Variants in PGBD2 observed in about 807,000 individuals in gnomAD.
PGBD2 encodes piggyBac transposable element derived 2, also known as piggyBac transposable element-derived protein 2.
A neutral mutation model predicts 8.1 loss-of-function variants in PGBD2; 6 were observed. The observed-to-expected ratio is 0.74, with a 90% CI of 0.40 to 1.46. The LOEUF (loss-of-function observed/expected upper bound fraction) is 1.46, where lower values mean the gene tolerates loss of function less well. Among genes scored for constraint, PGBD2 ranks in the 40% most tolerant of loss-of-function variants. The pLI is 0.02. For missense variants in PGBD2, 802 were observed against 739.0 expected (o/e 1.09, Z -0.99); for synonymous variants, 318 against 272.2 (o/e 1.17, Z -1.66).
chr1:248,878,629 G>A, the PGBD2 span, among the ~76,000 whole-genome samples: 1 of 152,134 alleles, frequency 6.6e-6, no homozygotes, highest in Non-Finnish European at 1.5e-5. Flanking sequence ...TCTCTTTTCG[G>A]TAGTCCATTT....
At chr1:248,895,265 C>T in the PGBD2 span, among the ~76,000 whole-genome samples, 1 of 152,120 alleles carries the variant, frequency 6.6e-6, no homozygotes, top group Non-Finnish European at 1.5e-5. Context: ...CCTCTGATTT[C>T]ACAGGGACCA....
Position 248,917,991 on chromosome 1 carries a change from T to C in PGBD2, c.1407T>C (p.Asn469=). Residue 469 remains asparagine (N), a synonymous_variant, in exon 3 of 3, where the codon AAT becomes AAC. Coordinates refer to ENST00000329291, the MANE Select transcript of PGBD2 (RefSeq NM_170725.3). ...KVGGVGRMDQ[N]IAKYKVKIRG... is the part of the protein sequence containing the mutation. ...GTGGCGTTGGTAGGATGGATCAGAA[T>C]ATTGCCAAGTACAAGGTGAAGATCC... The C allele has an allele frequency of 6.2e-7, 1 of 1,614,164 alleles. No individual in the cohort carries two copies. Among genetic ancestry groups the C allele is most frequent in the Non-Finnish European group, 8.5e-7 (1 of 1,180,030 alleles).
At chr1:248,873,373 A>C in the PGBD2 span, among the ~76,000 whole-genome samples, 1 of 152,346 alleles carries the variant, frequency 6.6e-6, no homozygotes, top group South Asian at 2.1e-4. Context: ...TTCGTGGAGG[A>C]AGCGCGGTGG....
In PGBD2 at chr1:248,917,749, G is replaced by T; in HGVS notation, c.1165G>T (p.Glu389Ter). 2 of 1,614,106 alleles carry T rather than the reference G, an allele frequency of 1.2e-6. No homozygotes were observed. Among genetic ancestry groups the T allele is most frequent in the Non-Finnish European group, 8.5e-7 (1 of 1,179,998 alleles). ...GCGATGTCCCCTAAAAGACCCCAAA[G>T]AACTGAAAAAAATGAAGAGGGGTTC... ...TERCPLKDPK[E>*]LKKMKRGSFD... The change falls in exon 3 of 3, where the codon GAA becomes TAA. Residue 389 changes from glutamate (E) to a stop codon, truncating the protein, a stop_gained. Coordinates refer to ENST00000329291, the MANE Select transcript of PGBD2 (RefSeq NM_170725.3). LOFTEE classifies it low-confidence loss of function (END_TRUNC).
At chr1:248,914,522 A>G in intron 2 of PGBD2, 1 of 1,289,124 alleles carries the variant, frequency 7.8e-7, no homozygotes, top group Non-Finnish European at 1.0e-6. Flanking sequence ...GTTGGAGTGA[A>G]TTTCTAATGC....
the PGBD2 span, among the ~76,000 whole-genome samples, chr1:248,894,531 T>C: frequency 6.6e-6 from 1 of 152,234 alleles, no homozygotes; most frequent in African/African-American, 2.4e-5. Context: ...ATTTTCCTAT[T>C]GTGTATTCAT....
At chr1:248,900,340 C>T in the PGBD2 span, among the ~76,000 whole-genome samples, 1 of 152,140 alleles carries the variant, frequency 6.6e-6, no homozygotes, top group African/African-American at 2.4e-5. Context: ...CCAAAAAATA[C>T]TCAATAAAAT....
chr1:248,874,069 A>G, the PGBD2 span, among the ~76,000 whole-genome samples: 2 of 152,168 alleles, frequency 1.3e-5, no homozygotes, highest in African/African-American at 4.8e-5. Flanking sequence ...TAGACTACTC[A>G]TCTTTGCTGC....
At chr1:248,905,737 T>C (rs541216425), upstream of PGBD2, among the ~76,000 whole-genome samples, 1 of 152,294 alleles carries the variant, frequency 6.6e-6, no homozygotes, top group South Asian at 2.1e-4. Context: ...CAAAGAATTA[T>C]CCAGGCCCAA....
intron 1 of PGBD2, among the ~76,000 whole-genome samples, chr1:248,910,949 C>A (rs1357397767): frequency 1.3e-5 from 2 of 152,074 alleles, no homozygotes; most frequent in Non-Finnish European, 2.9e-5. Context: ...CACCGTGAAA[C>A]CACCACCACA....
intron 2 of PGBD2, among the ~76,000 whole-genome samples, chr1:248,915,667 G>C (rs972770894): frequency 6.6e-6 from 1 of 152,160 alleles, no homozygotes; most frequent in Admixed American, 6.5e-5. Flanking sequence ...ATGTCCACAG[G>C]GCCAGAGAGT....
chr1:248,909,545 A>C (rs1343583656), intron 1 of PGBD2, among the ~76,000 whole-genome samples: 4 of 152,074 alleles, frequency 2.6e-5, no homozygotes, highest in Non-Finnish European at 5.9e-5. Flanking sequence ...TGGCATGATT[A>C]ATTTGGTTCA....
At chr1:248,911,660 G>A (rs548520369) in intron 1 of PGBD2, among the ~76,000 whole-genome samples, 22 of 148,304 alleles carry the variant, frequency 1.5e-4, no homozygotes, top group African/African-American at 5.8e-4. Flanking sequence ...GCGGCTGGCC[G>A]GGCAGAGGGG....
At chr1:248,899,683 A>G in the PGBD2 span, among the ~76,000 whole-genome samples, 1 of 151,676 alleles carries the variant, frequency 6.6e-6, no homozygotes, top group East Asian at 1.9e-4. Flanking sequence ...ATAAAAAACT[A>G]TCCCCAAAGC....
At chr1:248,882,157 T>G in the PGBD2 span, among the ~76,000 whole-genome samples, 4 of 152,282 alleles carry the variant, frequency 2.6e-5, no homozygotes, top group South Asian at 6.2e-4. Context: ...TAGTGAAAGC[T>G]GGGTCCAGGG....
chr1:248,927,463 G>T, the PGBD2 span, among the ~76,000 whole-genome samples: 20 of 152,326 alleles, frequency 1.3e-4, no homozygotes, highest in African/African-American at 4.3e-4. Flanking sequence ...TTTAAAACAA[G>T]AGTCAGCAAA....
chr1:248,905,794 C>G (rs1027894291), upstream of PGBD2, among the ~76,000 whole-genome samples: 4 of 152,188 alleles, frequency 2.6e-5, no homozygotes. Context: ...AGCAGTGGTT[C>G]TCAAGCCCTA....
chr1:248,875,999 C>CT, the PGBD2 span, among the ~76,000 whole-genome samples: 168 of 139,632 alleles, frequency 1.2e-3, no homozygotes, highest in Middle Eastern at 3.8e-3. Flanking sequence ...TTAAACTGTT[C>CT]TTTTTTTTTT....
Position 248,918,399 on chromosome 1 carries a change from T to A in PGBD2, c.*36T>A. On this transcript the variant is annotated 3_prime_UTR_variant, in exon 3 of 3. Coordinates refer to ENST00000329291, the MANE Select transcript of PGBD2 (RefSeq NM_170725.3). Reference sequence around the variant, plus strand: ...CATGCTTCTTTGGTTTATAATGAGATGTTTACAGTTAAATACAGATGGCAG... The same window carrying A: ...CATGCTTCTTTGGTTTATAATGAGAAGTTTACAGTTAAATACAGATGGCAG... 2 of 1,512,400 alleles carry A rather than the reference T, an allele frequency of 1.3e-6. No homozygotes were observed. The highest frequency in any genetic ancestry group is 1.8e-6 in the Non-Finnish European group (2 of 1,129,632). 93.7% of individuals were successfully genotyped at this position (1,512,400 alleles called of 1,614,324 possible).
Sources: gnomAD v4.1 joint callset for allele counts (sites outside exome capture counted in the v4.1 genomes callset) on GRCh38, gnomAD v4.1.1 for gene constraint, MANE v1.5 for transcripts, NCBI Gene and HGNC (gene_info 2026-07-23, HGNC 2026-07-21) for gene names.